ANKRD44: variants seen among roughly 807,000 people sequenced by gnomAD.
ANKRD44 encodes the protein serine/threonine-protein phosphatase 6 regulatory ankyrin repeat subunit B.
A neutral mutation model predicts 116.0 loss-of-function variants in ANKRD44; 35 were observed. The ratio of observed to expected loss-of-function variants is 0.30; its 90% CI spans 0.23 to 0.40. The LOEUF is 0.40. Among genes scored for constraint, ANKRD44 ranks in the 10% least tolerant of loss-of-function variants. ANKRD44 has a pLI of 1.00. For missense variants in ANKRD44, 1,014 were observed against 1,242.6 expected (o/e 0.82, Z 2.77); for synonymous variants, 435 against 461.8 (o/e 0.94, Z 0.74).
intron 1 of ANKRD44, among the ~76,000 whole-genome samples, chr2:197,224,609 A>T (rs1322059539): frequency 6.6e-6 from 1 of 152,146 alleles, no homozygotes; most frequent in Non-Finnish European, 1.5e-5. Context: ...TGGGTGATGA[A>T]TTTAAGGTCA....
chr2:196,986,590 G>C (rs1299031535), downstream of ANKRD44: 1 of 508,848 alleles, frequency 2.0e-6, no homozygotes, highest in Non-Finnish European at 2.5e-6. Context: ...AGTTAATTTG[G>C]CTTGAGGGGG....
Position 197,285,395 on chromosome 2 carries a change from G to C in ANKRD44, c.27+25183C>G, listed in dbSNP as rs142245292. Among the ~76,000 whole-genome samples the C allele has an allele frequency of 1.7e-3, 260 of 152,248 alleles. 1 individual carries two copies. The highest frequency in any genetic ancestry group is 5.7e-3 in the African/African-American group (236 of 41,544). ...GATCAAAACACAGTAGCCTGCCTGC[G>C]ATGGAGCAACTAGAGGAAACAGGTT... is the stretch of plus-strand genomic sequence containing the variant. On this transcript the variant is annotated intron_variant, in intron 1 of 27. Transcript: ENST00000282272.
rs904070322 is a variant in ANKRD44 at position 196,988,900 on chromosome 2, C to A, written c.*691G>T. ...AATTTCTAGATATTTCTTTGTGCTG[C>A]CTTTGTGTATATGATCCACTACACA... On this transcript the variant is annotated 3_prime_UTR_variant, in exon 28 of 28. Coordinates refer to ENST00000282272, the MANE Select transcript of ANKRD44 (RefSeq NM_001195144.2). 9 of 985,248 alleles carry A rather than the reference C, an allele frequency of 9.1e-6. No individual in the cohort carries two copies. In the African/African-American group the frequency reaches 1.6e-4, roughly 17 times the overall value. 61.0% of individuals were successfully genotyped at this position (985,248 alleles called of 1,614,324 possible). A position where few individuals can be genotyped will look rare whatever the true frequency, so the allele number is the denominator to read the frequency against.
At position 197,094,665 on chromosome 2, in the gene ANKRD44, G is replaced by T. The variant is rs190079587; in HGVS notation, c.1101-4633C>A. ...GGATTGGTTTAGCTTTGCTCACTGAGAGGATGAGACAAAAACATTTCTTAA... is the reference window on the plus strand; with the variant it reads ...GGATTGGTTTAGCTTTGCTCACTGATAGGATGAGACAAAAACATTTCTTAA... On this transcript the variant is annotated intron_variant, in intron 10 of 27. Transcript: ENST00000282272. 1.4e-3 allele frequency among the ~76,000 whole-genome samples: 212 copies of T among 152,302 alleles called. 1 individual carries two copies. Among genetic ancestry groups the T allele is most frequent in the Non-Finnish European group, 2.2e-3 (149 of 68,026 alleles).
At chr2:197,124,624 A>T (rs2078934335) in intron 6 of ANKRD44, among the ~76,000 whole-genome samples, 1 of 151,626 alleles carries the variant, frequency 6.6e-6, no homozygotes, top group Non-Finnish European at 1.5e-5. Context: ...TTACCAAAAC[A>T]ATCTCCTGTG....
intron 1 of ANKRD44, among the ~76,000 whole-genome samples, chr2:197,280,678 T>C (rs1190960027): frequency 6.6e-6 from 1 of 152,210 alleles, no homozygotes; most frequent in Non-Finnish European, 1.5e-5. Flanking sequence ...ATTGTACTAC[T>C]GAACTTGATT....
At chr2:197,064,602 G>A (rs1040494794) in intron 16 of ANKRD44, among the ~76,000 whole-genome samples, 1 of 152,086 alleles carries the variant, frequency 6.6e-6, no homozygotes, top group Non-Finnish European at 1.5e-5. Context: ...AAGGGATGGA[G>A]GAAGATCTAC....
intron 2 of ANKRD44, among the ~76,000 whole-genome samples, chr2:197,176,513 G>C (rs528361028): frequency 6.6e-6 from 1 of 152,288 alleles, no homozygotes; most frequent in African/African-American, 2.4e-5. Context: ...ACTCATAGTT[G>C]TATTTTGGTG....
In ANKRD44 at chr2:196,995,387, T is replaced by C. The variant is rs548309105; in HGVS notation, c.2823A>G (p.Ala941=). 6.2e-7 allele frequency: 1 copy of C among 1,611,418 alleles called. No individual in the cohort carries two copies. The highest frequency in any genetic ancestry group is 8.5e-7 in the Non-Finnish European group (1 of 1,178,434). ...TTAGTAGTTACACTTACGTCTGCAGTGCATTATTTTTTTCATTAATAAGGC... is the reference window on the plus strand; with the variant it reads ...TTAGTAGTTACACTTACGTCTGCAGCGCATTATTTTTTTCATTAATAAGGC... The part of the protein sequence containing the change: ...DESLINEKNN[A]LQTPLHVAAR... Residue 941 remains alanine, a synonymous_variant, in exon 26 of 28, where the codon GCA becomes GCG. Transcript: ENST00000282272.
chr2:197,188,190 T>A (rs1235361548), intron 1 of ANKRD44, among the ~76,000 whole-genome samples: 1 of 152,094 alleles, frequency 6.6e-6, no homozygotes, highest in African/African-American at 2.4e-5. Context: ...CTCATCTACA[T>A]TAAACAAGAC....
Position 196,987,876 on chromosome 2 carries a change from T to C in ANKRD44, c.*1715A>G. On this transcript the variant is annotated 3_prime_UTR_variant, in exon 28 of 28. Transcript: ENST00000282272. ...TTAGAAAGCTATGGTGCAAACATAATTTTATTTCTAAGAGATGTAATTAAA... is the reference window on the plus strand; with the variant it reads ...TTAGAAAGCTATGGTGCAAACATAACTTTATTTCTAAGAGATGTAATTAAA... 4 of 982,092 alleles carry C rather than the reference T, an allele frequency of 4.1e-6. No individual in the cohort carries two copies. Among genetic ancestry groups the C allele is most frequent in the Non-Finnish European group, 4.8e-6 (4 of 826,990 alleles). The allele number at this position is 982,092 out of a possible 1,614,324, so 60.8% of individuals were successfully genotyped here. A position where few individuals can be genotyped will look rare whatever the true frequency, so the allele number is the denominator to read the frequency against.
chr2:197,239,637 A>G (rs7422256), intron 1 of ANKRD44, among the ~76,000 whole-genome samples: 52,249 of 152,174 alleles, frequency 0.34, 11,035 homozygotes, highest in East Asian at 0.63. Flanking sequence ...AATGCAAGAT[A>G]ACCAACTGTC....
chr2:196,984,216 G>A (rs533817039), downstream of ANKRD44, among the ~76,000 whole-genome samples: 38 of 152,250 alleles, frequency 2.5e-4, no homozygotes, highest in South Asian at 6.4e-3. Context: ...TCTAAGTGGC[G>A]CAGTTATTCC....
At chr2:197,004,400 A>G (rs2076167398) in intron 21 of ANKRD44, among the ~76,000 whole-genome samples, 2 of 152,228 alleles carry the variant, frequency 1.3e-5, no homozygotes, top group South Asian at 4.1e-4. Flanking sequence ...ACATTCATTC[A>G]TATCACATTC....
intron 1 of ANKRD44, among the ~76,000 whole-genome samples, chr2:197,273,979 AAATATATATATATATAT>A (rs2082987496): frequency 6.0e-5 from 3 of 50,010 alleles, no homozygotes; most frequent in African/African-American, 8.1e-5. Flanking sequence ...AAAAAAAAAA[AAATATATATATATATAT>A]ATATATATAT....
chr2:197,125,973 G>A lies in ANKRD44; in HGVS notation c.326C>T (p.Thr109Ile). 2 of 1,614,202 alleles carry A rather than the reference G, an allele frequency of 1.2e-6. No individual in the cohort carries two copies. Among genetic ancestry groups the A allele is most frequent in the East Asian group, 2.2e-5 (1 of 44,874 alleles). Residue 109 changes from threonine to isoleucine, a missense_variant, in exon 5 of 28, where the codon ACC (threonine) becomes ATC (isoleucine). Coordinates refer to ENST00000282272, the MANE Select transcript of ANKRD44 (RefSeq NM_001195144.2). Reference protein sequence around the residue: ...DVNARDKNWQTPLHVAAANKA... With the variant: ...DVNARDKNWQIPLHVAAANKA... ...GTTGGCTGCTGCCACATGAAGAGGG[G>A]TCTGCCAGTTCTTGTCCCTTGCATT...
At chr2:197,309,528 C>G (rs911979058) in intron 1 of ANKRD44, among the ~76,000 whole-genome samples, 2 of 152,174 alleles carry the variant, frequency 1.3e-5, no homozygotes, top group Admixed American at 6.5e-5. Context: ...CTGGAGAACG[C>G]AAGGCAGCAG....
chr2:197,299,892 C>T (rs1415682926), intron 1 of ANKRD44, among the ~76,000 whole-genome samples: 15 of 152,218 alleles, frequency 9.9e-5, no homozygotes, highest in Admixed American at 6.5e-5. Flanking sequence ...CAATGGCCTA[C>T]ATCACCAAAC....
chr2:197,305,402 A>G (rs1213823335), intron 1 of ANKRD44, among the ~76,000 whole-genome samples: 3 of 152,242 alleles, frequency 2.0e-5, no homozygotes, highest in African/African-American at 7.2e-5. Flanking sequence ...AAATCACAAA[A>G]TTATCAGATC....
Sources: gnomAD v4.1 joint callset for allele counts (sites outside exome capture counted in the v4.1 genomes callset) on GRCh38, gnomAD v4.1.1 for gene constraint, MANE v1.5 for transcripts, NCBI Gene and HGNC (gene_info 2026-07-23, HGNC 2026-07-21) for gene names.